Variants in CNTN5 observed in about 807,000 individuals in gnomAD.
CNTN5 encodes contactin-5.
In CNTN5, 77 loss-of-function variants were observed where a neutral mutation model predicts 129.1. The ratio of observed to expected loss-of-function variants is 0.60; its 90% confidence interval spans 0.50 to 0.72. The LOEUF (loss-of-function observed/expected upper bound fraction) is 0.72. Ranked by LOEUF, CNTN5 falls within the 30% of genes least tolerant of loss-of-function variation. The pLI is 0.00. For missense variants in CNTN5, 1,478 were observed against 1,328.8 expected (o/e 1.11, Z -1.75); for synonymous variants, 509 against 465.6 (o/e 1.09, Z -1.20).
At chr11:99,172,082 C>T (rs1362418020) in intron 1 of CNTN5, among the ~76,000 whole-genome samples, 1 of 152,172 alleles carries the variant, frequency 6.6e-6, no homozygotes, top group Non-Finnish European at 1.5e-5. Flanking sequence ...TCTTTACATG[C>T]TTTATATGCA....
intron 1 of CNTN5, among the ~76,000 whole-genome samples, chr11:99,028,656 A>G (rs976449297): frequency 2.1e-4 from 32 of 152,016 alleles, no homozygotes; most frequent in African/African-American, 7.0e-4. Flanking sequence ...TTATGTTGCT[A>G]ACTTTAATAT....
intron 20 of CNTN5, 142 bp downstream of exon 20, chr11:100,299,538 A>G (rs571733290): frequency 3.9e-5 from 21 of 544,250 alleles, no homozygotes; most frequent in Non-Finnish European, 6.3e-5. Flanking sequence ...TTGGATATAT[A>G]TTTCCCAAAC....
intron 3 of CNTN5, among the ~76,000 whole-genome samples, chr11:99,592,838 T>C (rs996053033): frequency 6.6e-6 from 1 of 152,074 alleles, no homozygotes; most frequent in Admixed American, 6.6e-5. Context: ...GTGAATATAG[T>C]AGTCTGAGTA....
At chr11:99,891,469 A>G (rs906025702) in intron 6 of CNTN5, among the ~76,000 whole-genome samples, 20 of 151,820 alleles carry the variant, frequency 1.3e-4, no homozygotes, top group African/African-American at 3.9e-4. Context: ...TCCTAATGCT[A>G]TGCCTCCCCT....
intron 8 of CNTN5, among the ~76,000 whole-genome samples, chr11:99,996,984 C>G (rs1939492039): frequency 1.3e-5 from 2 of 152,120 alleles, no homozygotes; most frequent in Non-Finnish European, 2.9e-5. Flanking sequence ...AGAGCCAAAC[C>G]ATATCATTCT....
intron 1 of CNTN5, among the ~76,000 whole-genome samples, chr11:99,159,812 T>G (rs1860521570): frequency 6.6e-6 from 1 of 152,186 alleles, no homozygotes; most frequent in Admixed American, 6.5e-5. Context: ...GAGAAGTACG[T>G]ATTTTACCTC....
chr11:99,323,760 A>C (rs368626127), intron 1 of CNTN5, among the ~76,000 whole-genome samples: 56 of 152,292 alleles, frequency 3.7e-4, no homozygotes, highest in Middle Eastern at 3.4e-3. Flanking sequence ...ATTCCGCCTA[A>C]GTTTGTAAAC....
intron 8 of CNTN5, among the ~76,000 whole-genome samples, chr11:99,961,977 T>C (rs895833591): frequency 6.1e-5 from 9 of 146,388 alleles, no homozygotes; most frequent in Admixed American, 1.3e-4. Context: ...GACATATAGA[T>C]AGATATAGTT....
intron 1 of CNTN5, among the ~76,000 whole-genome samples, chr11:99,305,551 ACTGCAAAAAAACAATTTTTCT>A (rs1296239204): frequency 6.6e-6 from 1 of 152,204 alleles, no homozygotes; most frequent in African/African-American, 2.4e-5. Context: ...CTTTCAGATA[ACTGCAAAAAAACAATTTTTCT>A]CTGTAAAATA....
chr11:99,276,218 G>T (rs911232265), intron 1 of CNTN5, among the ~76,000 whole-genome samples: 1 of 151,632 alleles, frequency 6.6e-6, no homozygotes, highest in African/African-American at 2.4e-5. Flanking sequence ...AACATTTGTC[G>T]CATTCAGTTG....
chr11:99,402,091 G>T (rs6421595), intron 2 of CNTN5, among the ~76,000 whole-genome samples: 1 of 151,944 alleles, frequency 6.6e-6, no homozygotes, highest in South Asian at 2.1e-4. Flanking sequence ...TCTAACTAGG[G>T]TGTCCAGTAC....
At chr11:99,078,199 G>C (rs560352069) in intron 1 of CNTN5, among the ~76,000 whole-genome samples, 2 of 151,846 alleles carry the variant, frequency 1.3e-5, no homozygotes, top group Non-Finnish European at 1.5e-5. Flanking sequence ...TTGTATTCAC[G>C]GATAATATTT....
intron 6 of CNTN5, among the ~76,000 whole-genome samples, chr11:99,853,582 G>C (rs1157254038): frequency 2.6e-5 from 4 of 151,966 alleles, no homozygotes; most frequent in Non-Finnish European, 5.9e-5. Flanking sequence ...TGTATTTTTA[G>C]TAGAGACGGG....
At chr11:99,206,686 T>C (rs920615123) in intron 1 of CNTN5, among the ~76,000 whole-genome samples, 5 of 152,152 alleles carry the variant, frequency 3.3e-5, no homozygotes, top group African/African-American at 1.2e-4. Context: ...ACTTGTATTC[T>C]ACCTGGTTTG....
At chr11:99,078,039 C>T (rs1416348239) in intron 1 of CNTN5, among the ~76,000 whole-genome samples, 1 of 152,072 alleles carries the variant, frequency 6.6e-6, no homozygotes, top group Non-Finnish European at 1.5e-5. Flanking sequence ...AGTTTTCATC[C>T]TATCTTTGCT....
intron 1 of CNTN5, among the ~76,000 whole-genome samples, chr11:99,130,511 T>C (rs901296447): frequency 1.3e-5 from 2 of 152,104 alleles, no homozygotes; most frequent in African/African-American, 2.4e-5. Flanking sequence ...CACACGATAA[T>C]AGTGGGAGAA....
chr11:99,967,294 C>T (rs1433198559), intron 8 of CNTN5, among the ~76,000 whole-genome samples: 1 of 152,164 alleles, frequency 6.6e-6, no homozygotes, highest in Non-Finnish European at 1.5e-5. Flanking sequence ...GAAACACAAT[C>T]ATTTTCCCTT....
At chr11:99,688,110 A>T (rs1172062276) in intron 3 of CNTN5, among the ~76,000 whole-genome samples, 1 of 152,186 alleles carries the variant, frequency 6.6e-6, no homozygotes, top group Non-Finnish European at 1.5e-5. Context: ...CTGGTTATTT[A>T]TTTCTTACTT....
intron 3 of CNTN5, among the ~76,000 whole-genome samples, chr11:99,575,337 C>T (rs777856878): frequency 1.1e-4 from 16 of 152,086 alleles, no homozygotes; most frequent in Non-Finnish European, 2.4e-4. Context: ...GATTTCTTTT[C>T]CCCTCACTCA....
Sources: allele counts gnomAD v4.1 joint callset (sites outside exome capture counted in the v4.1 genomes callset), GRCh38; gene constraint gnomAD v4.1.1; transcripts MANE v1.5; gene names NCBI Gene and HGNC (gene_info 2026-07-23, HGNC 2026-07-21).